RAB5IF: variants seen among roughly 807,000 people sequenced by gnomAD.
RAB5IF encodes RAB5 interacting factor.
RAB5IF carries 15 observed loss-of-function variants against 20.3 expected under a neutral mutation model. The observed-to-expected ratio is 0.74, with a 90% CI of 0.50 to 1.14. RAB5IF has a LOEUF of 1.14. Among genes scored for constraint, RAB5IF ranks in the 50% most tolerant of loss-of-function variants. The pLI is 0.00. For missense variants in RAB5IF, 148 were observed against 159.5 expected, an observed-to-expected ratio of 0.93 and a Z score of 0.39; for synonymous variants, 67 against 63.7, an observed-to-expected ratio of 1.05 and a Z score of -0.25.
chr20:36,608,906 C>T (rs1023590117), intron 2 of RAB5IF, among the ~76,000 whole-genome samples: 1 of 151,704 alleles, frequency 6.6e-6, no homozygotes, highest in Non-Finnish European at 1.5e-5. Context: ...GAGCTGAGGG[C>T]AGGAACAGTC....
At chr20:36,610,488 T>G (rs2039081511) in intron 3 of RAB5IF, among the ~76,000 whole-genome samples, 1 of 151,796 alleles carries the variant, frequency 6.6e-6, no homozygotes, top group South Asian at 2.1e-4. Context: ...GATCACAAGG[T>G]CAGGAGATCA....
intron 3 of RAB5IF, among the ~76,000 whole-genome samples, chr20:36,611,045 A>G (rs921110678): frequency 6.6e-6 from 1 of 152,174 alleles, no homozygotes; most frequent in African/African-American, 2.4e-5. Flanking sequence ...GCTGTAGTGC[A>G]GTGGCGCAGT....
chr20:36,612,362 C>A lies in RAB5IF; in HGVS notation c.*311C>A. The A allele has an allele frequency of 2.7e-6, 2 of 753,320 alleles. No individual in the cohort carries two copies. The highest frequency in any genetic ancestry group is 2.3e-6 in the Non-Finnish European group (1 of 443,844). The allele number at this position is 753,320 out of a possible 1,614,324, so 46.7% of individuals were successfully genotyped here. A position where few individuals can be genotyped will look rare whatever the true frequency, so the allele number is the denominator to read the frequency against. On this transcript the variant is annotated 3_prime_UTR_variant, in exon 4 of 4. Coordinates refer to ENST00000344795, the MANE Select transcript of RAB5IF (RefSeq NM_018840.5). Reference sequence around the variant, plus strand: ...ATTTAATTTGATGCACCTCTGGATTCAGATGAAACATTAAATTGTCTTCCT... The same window carrying A: ...ATTTAATTTGATGCACCTCTGGATTAAGATGAAACATTAAATTGTCTTCCT...
chr20:36,609,193 A>ACACACACACACG (rs2039025478), intron 2 of RAB5IF, among the ~76,000 whole-genome samples: 1 of 62,264 alleles, frequency 1.6e-5, no homozygotes, highest in Non-Finnish European at 3.1e-5. Flanking sequence ...ACACACACAC[A>ACACACACACACG]CGCACACACG....
chr20:36,612,039 CCATT>C lies in RAB5IF; in HGVS notation c.379_382del (p.His127MetfsTer60). On this transcript the variant is annotated frameshift_variant, in exon 4 of 4. Coordinates refer to ENST00000344795, the MANE Select transcript of RAB5IF (RefSeq NM_018840.5). LOFTEE classifies it high-confidence loss of function. ...TTTGGATCATCTTTTACACTGCCAT[CCATT>C]ATGACTGATGGTGTACAGCTCCCAA... 1 of 1,614,170 alleles carries C rather than the reference CCATT, an allele frequency of 6.2e-7. No homozygotes were observed. Among genetic ancestry groups the C allele is most frequent in the Non-Finnish European group, 8.5e-7 (1 of 1,180,040 alleles).
In RAB5IF at chr20:36,607,785, T is replaced by G. The variant is rs199502068; in HGVS notation, c.185T>G (p.Val62Gly). The change falls in exon 2 of 4, where the codon GTT becomes GGT. Residue 62 changes from valine to glycine, a missense_variant. Coordinates refer to ENST00000344795, the MANE Select transcript of RAB5IF (RefSeq NM_018840.5). The part of the protein sequence containing the change: ...IAVVLGVIWG[V>G]LPLRGFLGIA... Reference sequence around the variant, plus strand: ...GTGGTCCTGGGTGTCATTTGGGGAGTTTTGCCATTACGAGGGTTCTTGGGA... The same window carrying G: ...GTGGTCCTGGGTGTCATTTGGGGAGGTTTGCCATTACGAGGGTTCTTGGGA... 6 of 1,613,970 alleles carry G rather than the reference T, an allele frequency of 3.7e-6. No homozygotes were observed. In the East Asian group the frequency reaches 1.1e-4, roughly 30 times the overall value.
chr20:36,609,233 A>ACACACACACACACACACACACACC (rs2039038665), intron 2 of RAB5IF, among the ~76,000 whole-genome samples: 1 of 126,970 alleles, frequency 7.9e-6, no homozygotes, highest in Non-Finnish European at 1.6e-5. Flanking sequence ...ACACACACAC[A>ACACACACACACACACACACACACC]CACACACACA....
chr20:36,606,766 C>T (rs1437628463), intron 1 of RAB5IF, among the ~76,000 whole-genome samples: 2 of 152,188 alleles, frequency 1.3e-5, no homozygotes, highest in Non-Finnish European at 2.9e-5. Context: ...TCGGAGGATG[C>T]TTCGTAACTC....
rs374405285 is a variant in RAB5IF at position 36,609,632 on chromosome 20, C to T, written c.250C>T (p.Leu84Phe). ...FCLINAGVLY[L>F]YFSNYLQIDE... Reference sequence around the variant, plus strand: ...CCTGATCAATGCAGGAGTCCTGTACCTCTACTTCAGCAATTACCTACAGAT... The same window carrying T: ...CCTGATCAATGCAGGAGTCCTGTACTTCTACTTCAGCAATTACCTACAGAT... The change falls in exon 3 of 4, where the codon CTC becomes TTC. Residue 84 changes from leucine to phenylalanine, a missense_variant. Leu to Phe is a conservative substitution (Grantham distance 22). Coordinates refer to ENST00000344795, the MANE Select transcript of RAB5IF (RefSeq NM_018840.5). The T allele has an allele frequency of 1.2e-6, 2 of 1,611,500 alleles. No individual in the cohort carries two copies. The highest frequency in any genetic ancestry group is 1.7e-5 in the Admixed American group (1 of 59,730).
intron 3 of RAB5IF, among the ~76,000 whole-genome samples, chr20:36,610,695 G>A (rs545938102): frequency 6.8e-5 from 10 of 146,474 alleles, no homozygotes; most frequent in Non-Finnish European, 1.0e-4. Flanking sequence ...GCGAGACTCC[G>A]TCTCAAAAAA....
rs1304584283 is a variant in RAB5IF, at chr20:36,612,115, A to G, written c.*64A>G. ...GGACCCTCTTGATTACAGCACAGGA[A>G]CTTGATCGTTGGGGAACCCCAGCCC... On this transcript the variant is annotated 3_prime_UTR_variant, in exon 4 of 4. Coordinates refer to ENST00000344795, the MANE Select transcript of RAB5IF (RefSeq NM_018840.5). The G allele has an allele frequency of 1.2e-6, 2 of 1,614,166 alleles. No homozygotes were observed. Among genetic ancestry groups the G allele is most frequent in the South Asian group, 2.2e-5 (2 of 91,064 alleles).
Position 36,612,059 on chromosome 20 carries a change from C to T in RAB5IF, c.*8C>T. On this transcript the variant is annotated 3_prime_UTR_variant, in exon 4 of 4. Transcript: ENST00000344795. ...GCCATCCATTATGACTGATGGTGTA[C>T]AGCTCCCAAGTGCTCCCTATCCAGT... 6.2e-7 allele frequency: 1 copy of T among 1,614,172 alleles called. No individual in the cohort carries two copies. The highest frequency in any genetic ancestry group is 8.5e-7 in the Non-Finnish European group (1 of 1,180,040).
chr20:36,611,109 C>T (rs2039101674), intron 3 of RAB5IF, among the ~76,000 whole-genome samples: 1 of 152,182 alleles, frequency 6.6e-6, no homozygotes, highest in Non-Finnish European at 1.5e-5. Flanking sequence ...CCCACCTCAG[C>T]CTCCCGAGTA....
intron 3 of RAB5IF, among the ~76,000 whole-genome samples, chr20:36,610,265 CAA>C (rs895754977): frequency 5.3e-5 from 8 of 151,896 alleles, no homozygotes; most frequent in Admixed American, 2.6e-4. Context: ...GCCTGGGCAA[CAA>C]GAGGGAAACT....
chr20:36,609,619 A>C lies in RAB5IF; in HGVS notation c.237A>C (p.Ala79=). 6.2e-7 allele frequency: 1 copy of C among 1,606,972 alleles called. No homozygotes were observed. The highest frequency in any genetic ancestry group is 8.5e-7 in the Non-Finnish European group (1 of 1,176,354). ...LGIAGFCLIN[A]GVLYLYFSNY... ...GCTCCAGATTCTGCCTGATCAATGC[A>C]GGAGTCCTGTACCTCTACTTCAGCA... Residue 79 remains alanine (A), a synonymous_variant, in exon 3 of 4, where the codon GCA becomes GCC. Transcript: ENST00000344795.
chr20:36,609,195 GCACACACGCACACACGC>G (rs2039027367), intron 2 of RAB5IF, among the ~76,000 whole-genome samples: 6 of 34,004 alleles, frequency 1.8e-4, no homozygotes, highest in Non-Finnish European at 2.7e-4. Context: ...ACACACACAC[GCACACACGCACACACGC>G]ACACACGCAC....
rs770163762 is a variant in RAB5IF, at chr20:36,609,724, G to C, written c.342G>C (p.Leu114Phe). 1.2e-6 allele frequency: 2 copies of C among 1,614,176 alleles called. No homozygotes were observed. Among genetic ancestry groups the C allele is most frequent in the Non-Finnish European group, 1.7e-6 (2 of 1,180,026 alleles). Reference protein sequence around the residue: ...TKEGFMTSFALFMVIWIIFYT... With the variant: ...TKEGFMTSFAFFMVIWIIFYT... ...AAGGGTTTATGACCTCTTTTGCCTT[G>C]TTCATGGTATGTGTAGCTGATAGTT... The change falls in exon 3 of 4, where the codon TTG becomes TTC. Residue 114 changes from leucine (L) to phenylalanine (F), a missense_variant. Transcript: ENST00000344795.
intron 3 of RAB5IF, among the ~76,000 whole-genome samples, chr20:36,610,953 A>C (rs1181312307): frequency 6.6e-6 from 1 of 152,158 alleles, no homozygotes. Context: ...ATCAGTGGTG[A>C]TGTTTGCACA....
chr20:36,609,536 G>A (rs574444304), intron 2 of RAB5IF, 65 bp from the exon 3 acceptor site: 52 of 1,514,122 alleles, frequency 3.4e-5, no homozygotes, highest in South Asian at 2.0e-4. Context: ...CACCACACCC[G>A]GCCCCGAGTT....
Sources: gnomAD v4.1 joint callset for allele counts (sites outside exome capture counted in the v4.1 genomes callset) on GRCh38, gnomAD v4.1.1 for gene constraint, MANE v1.5 for transcripts, NCBI Gene and HGNC (gene_info 2026-07-23, HGNC 2026-07-21) for gene names.